The following PSME3 variants were observed in gnomAD, a reference collection of about 807,000 sequenced individuals.
PSME3 encodes the protein proteasome activator subunit 3.
Under a neutral mutation model 38.3 loss-of-function variants are expected in PSME3, and 7 were observed. The observed-to-expected ratio is 0.18, with a 90% confidence interval of 0.10 to 0.34. The LOEUF (loss-of-function observed/expected upper bound fraction) is 0.34. Among genes scored for constraint, PSME3 ranks in the 10% least tolerant of loss-of-function variants. PSME3 has a pLI of 1.00. For missense variants in PSME3, 192 were observed against 307.6 expected (o/e 0.62, Z 2.81); for synonymous variants, 108 against 105.7 (o/e 1.02, Z -0.13).
At position 42,834,368 on chromosome 17, in the gene PSME3, A is replaced by C; in HGVS notation, c.67A>C (p.Thr23Pro). ...GGTTGATTCTTTCAGGGAGCGGATC[A>C]CAAGTGAGGTGAGTGAAATAAATAG... ...LKVDSFRERI[T>P]SEAEDLVANF... Residue 23 changes from threonine (T) to proline (P), a missense_variant, in exon 2 of 11, where the codon ACA (threonine) becomes CCA (proline). Coordinates refer to ENST00000590720, the MANE Select transcript of PSME3 (RefSeq NM_005789.4). 6.2e-7 allele frequency: 1 copy of C among 1,614,096 alleles called. No individual in the cohort carries two copies. The highest frequency in any genetic ancestry group is 8.5e-7 in the Non-Finnish European group (1 of 1,180,034).
At chr17:42,837,194 G>A (rs1178791962) in intron 4 of PSME3, among the ~76,000 whole-genome samples, 2 of 152,150 alleles carry the variant, frequency 1.3e-5, no homozygotes, top group Non-Finnish European at 2.9e-5. Context: ...GGGATTATAG[G>A]TGCTTGCCAC....
At chr17:42,835,442 T>C (rs1407268785) in intron 4 of PSME3, among the ~76,000 whole-genome samples, 2 of 151,968 alleles carry the variant, frequency 1.3e-5, no homozygotes, top group Non-Finnish European at 2.9e-5. Context: ...AGAACTAGCT[T>C]AGGCCAGGCA....
At chr17:42,838,330 T>C in intron 6 of PSME3, 125 bp downstream of exon 6, 1 of 1,447,274 alleles carries the variant, frequency 6.9e-7, no homozygotes, top group Admixed American at 2.5e-5. Context: ...TTTTTTGAGA[T>C]GGGGTCTCGC....
At chr17:42,834,143 C>A in intron 1 of PSME3, 1 of 1,477,914 alleles carries the variant, frequency 6.8e-7, no homozygotes, top group Non-Finnish European at 8.9e-7. Flanking sequence ...ACAGAGGAGA[C>A]AGGCAGGTGC....
rs975803986 is a variant in PSME3, at chr17:42,833,454, G to A, written c.-178G>A. On this transcript the variant is annotated 5_prime_UTR_variant, in exon 1 of 11. Transcript: ENST00000590720. ...GGGCGAGCGAGAGAGCAAGCAGGCA[G>A]CAGGCTGCCGGCGGGCGGGCGGACG... 1 of 690,866 alleles carries A rather than the reference G, an allele frequency of 1.4e-6. No individual in the cohort carries two copies. The highest frequency in any genetic ancestry group is 2.4e-6 in the Non-Finnish European group (1 of 410,628). 42.8% of individuals were successfully genotyped at this position (690,866 alleles called of 1,614,324 possible). A position where few individuals can be genotyped will look rare whatever the true frequency, so the allele number is the denominator to read the frequency against.
intron 10 of PSME3, among the ~76,000 whole-genome samples, chr17:42,840,603 C>G (rs575503720): frequency 6.6e-6 from 1 of 151,812 alleles, no homozygotes; most frequent in Admixed American, 6.6e-5. Flanking sequence ...AGCAAAACTC[C>G]GTCTCAAAAA....
chr17:42,839,205 G>A (rs1245989553), intron 9 of PSME3, 39 bp downstream of exon 9: 1 of 1,562,870 alleles, frequency 6.4e-7, no homozygotes, highest in Non-Finnish European at 8.8e-7. Context: ...GGAGGTGGCA[G>A]GATAGTGAAG....
intron 3 of PSME3, 80 bp downstream of exon 3, chr17:42,834,657 T>G: frequency 4.4e-6 from 7 of 1,599,732 alleles, no homozygotes; most frequent in Non-Finnish European, 6.0e-6. Flanking sequence ...AACTGTTGAT[T>G]CTTCTTCTTT....
intron 10 of PSME3, among the ~76,000 whole-genome samples, chr17:42,839,789 G>A (rs1165802524): frequency 6.6e-6 from 1 of 152,188 alleles, no homozygotes; most frequent in Non-Finnish European, 1.5e-5. Context: ...CTGAGGTCAG[G>A]AGTTCGAGAC....
At chr17:42,836,041 T>G (rs913039516) in intron 4 of PSME3, among the ~76,000 whole-genome samples, 1 of 149,666 alleles carries the variant, frequency 6.7e-6, no homozygotes, top group African/African-American at 2.5e-5. Context: ...AGTCTCACTC[T>G]GTTGCCTAGG....
chr17:42,840,862 A>G (rs111975498), intron 10 of PSME3, among the ~76,000 whole-genome samples: 16,032 of 152,084 alleles, frequency 0.11, 2,527 homozygotes, highest in African/African-American at 0.34. Flanking sequence ...GGCCGGGTGC[A>G]GTGGCTCACG....
intron 4 of PSME3, among the ~76,000 whole-genome samples, chr17:42,836,941 C>A (rs1008365110): frequency 6.6e-6 from 1 of 150,808 alleles, no homozygotes; most frequent in Non-Finnish European, 1.5e-5. Flanking sequence ...AGTGCAGTGG[C>A]ACAATCTCGG....
Position 42,841,645 on chromosome 17 carries a change from A to G in PSME3, c.*67A>G. 3 of 1,125,810 alleles carry G rather than the reference A, an allele frequency of 2.7e-6. No individual in the cohort carries two copies. The highest frequency in any genetic ancestry group is 2.5e-6 in the Non-Finnish European group (2 of 789,472). 69.7% of individuals were successfully genotyped at this position (1,125,810 alleles called of 1,614,324 possible). ...GACCGACATTGCCTTGGTTTGTTAC[A>G]TGACTATCGTGATGGGGAAACTGGC... On this transcript the variant is annotated 3_prime_UTR_variant, in exon 11 of 11. Transcript: ENST00000590720.
chr17:42,839,393 AGTCC>A lies in PSME3; in HGVS notation c.684+14_684+17del, dbSNP rs775136341. The A allele has an allele frequency of 3.2e-6, 5 of 1,569,176 alleles. 1 individual carries two copies. In the South Asian group the frequency reaches 4.4e-5, roughly 14 times the overall value. ...GAGGAATCAATATGTGAGTAATCTC[AGTCC>A]TTGTCCATAGTTGCTGTGGCTTCTC... On this transcript the variant is annotated intron_variant, in intron 10 of 10. Transcript: ENST00000590720.
At chr17:42,837,819 G>A in intron 5 of PSME3, 122 bp downstream of exon 5, 1 of 1,172,592 alleles carries the variant, frequency 8.5e-7, no homozygotes, top group African/African-American at 1.5e-5. Context: ...CCCAGAGGTA[G>A]CATTCCCAGC....
chr17:42,833,948 C>T (rs1404967613), intron 1 of PSME3: 15 of 1,439,756 alleles, frequency 1.0e-5, no homozygotes, highest in Non-Finnish European at 1.4e-5. Context: ...TGGTAATCCC[C>T]CAGCCCAACA....
Position 42,842,619 on chromosome 17 carries a change from A to T in PSME3, c.*1041A>T, listed in dbSNP as rs1428038255. 1 of 152,772 alleles carries T rather than the reference A, an allele frequency of 6.5e-6. No individual in the cohort carries two copies. Among genetic ancestry groups the T allele is most frequent in the Non-Finnish European group, 1.5e-5 (1 of 68,058 alleles). 9.5% of individuals were successfully genotyped at this position (152,772 alleles called of 1,614,324 possible). A position where few individuals can be genotyped will look rare whatever the true frequency, so the allele number is the denominator to read the frequency against. ...TTGGGAACTATTTCTCTTTATTTAT[A>T]GTGTCGGGCTTCCGGGGAAAGCAAT... On this transcript the variant is annotated 3_prime_UTR_variant, in exon 11 of 11. Coordinates refer to ENST00000590720, the MANE Select transcript of PSME3 (RefSeq NM_005789.4).
chr17:42,841,090 G>T (rs1329217993), intron 10 of PSME3, among the ~76,000 whole-genome samples: 1 of 144,690 alleles, frequency 6.9e-6, no homozygotes, highest in African/African-American at 2.6e-5. Flanking sequence ...CCGAGATCGC[G>T]CCATTGCACT....
rs558011658 is a variant in PSME3, at chr17:42,841,623, C to T, written c.*45C>T. On this transcript the variant is annotated 3_prime_UTR_variant, in exon 11 of 11. Coordinates refer to ENST00000590720, the MANE Select transcript of PSME3 (RefSeq NM_005789.4). ...GGACTCTGTGAGTCTGGCTCAAGAC[C>T]GACATTGCCTTGGTTTGTTACATGA... is the stretch of plus-strand genomic sequence containing the variant. The T allele has an allele frequency of 4.4e-6, 6 of 1,360,972 alleles. No homozygotes were observed. The African/African-American group carries it at 4.4e-5, about 10-fold the overall frequency. The allele number at this position is 1,360,972 out of a possible 1,614,324, so 84.3% of individuals were successfully genotyped here.
Sources: allele counts gnomAD v4.1 joint callset (sites outside exome capture counted in the v4.1 genomes callset), GRCh38; gene constraint gnomAD v4.1.1; transcripts MANE v1.5; gene names NCBI Gene and HGNC (gene_info 2026-07-23, HGNC 2026-07-21).